The following PDE4D variants were observed in gnomAD, a reference collection of about 807,000 sequenced individuals.
PDE4D encodes phosphodiesterase 4D.
In PDE4D, 24 loss-of-function variants were observed where a neutral mutation model predicts 87.4. The observed-to-expected ratio is 0.27, with a 90% CI of 0.20 to 0.39. The LOEUF (loss-of-function observed/expected upper bound fraction) is 0.39, where lower values mean the gene tolerates loss of function less well. Among genes scored for constraint, PDE4D ranks in the 10% least tolerant of loss-of-function variants. PDE4D has a pLI of 1.00. For missense variants in PDE4D, 714 were observed against 1,041.0 expected (o/e 0.69, Z 4.32); for synonymous variants, 384 against 383.2 (o/e 1.00, Z -0.02).
chr5:59,092,273 C>T (rs764654422), intron 5 of PDE4D, among the ~76,000 whole-genome samples: 1 of 152,104 alleles, frequency 6.6e-6, no homozygotes, highest in Non-Finnish European at 1.5e-5. Context: ...ACACAGCTTC[C>T]ATCTCTTTGC....
At chr5:60,073,847 T>C (rs1040150325) in intron 2 of PDE4D, among the ~76,000 whole-genome samples, 2 of 152,272 alleles carry the variant, frequency 1.3e-5, no homozygotes, top group East Asian at 1.9e-4. Flanking sequence ...TGATGGTTAT[T>C]TGTATTTTTC....
At chr5:59,421,602 G>A (rs1794488235) in intron 1 of PDE4D, among the ~76,000 whole-genome samples, 1 of 152,078 alleles carries the variant, frequency 6.6e-6, no homozygotes. Flanking sequence ...ATCCAACAAA[G>A]AAATAGAAGA....
chr5:59,614,604 C>T (rs11956402), intron 1 of PDE4D, among the ~76,000 whole-genome samples: 11,473 of 152,126 alleles, frequency 0.075, 595 homozygotes, highest in Admixed American at 0.14. Context: ...GAGAGAATAC[C>T]AATCCTGTTT....
intron 5 of PDE4D, among the ~76,000 whole-genome samples, chr5:59,110,152 G>T (rs1362314449): frequency 6.6e-6 from 1 of 152,212 alleles, no homozygotes; most frequent in African/African-American, 2.4e-5. Flanking sequence ...GCGTATGTTG[G>T]CAAGGCCAAA....
intron 2 of PDE4D, among the ~76,000 whole-genome samples, chr5:60,016,361 C>A (rs1476432746): frequency 2.0e-5 from 3 of 152,042 alleles, no homozygotes; most frequent in Admixed American, 2.0e-4. Context: ...GAGGGTCTTG[C>A]CTAAATGGTG....
intron 1 of PDE4D, among the ~76,000 whole-genome samples, chr5:59,336,260 T>C (rs1240816559): frequency 7.9e-5 from 12 of 152,190 alleles, no homozygotes. Context: ...AGGGAAGGTA[T>C]AATTTCACAA....
chr5:59,581,311 CTA>C (rs1824104662), intron 1 of PDE4D, among the ~76,000 whole-genome samples: 2 of 152,168 alleles, frequency 1.3e-5, no homozygotes, highest in East Asian at 3.9e-4. Context: ...GAATTTGAAA[CTA>C]TTTTCAATTT....
chr5:60,124,023 A>G (rs1206658146), intron 2 of PDE4D, among the ~76,000 whole-genome samples: 1 of 152,202 alleles, frequency 6.6e-6, no homozygotes, highest in Non-Finnish European at 1.5e-5. Context: ...GTGGTACAAT[A>G]TATTTATCAT....
intron 1 of PDE4D, among the ~76,000 whole-genome samples, chr5:59,447,673 T>A (rs1045782496): frequency 6.6e-6 from 1 of 152,250 alleles, no homozygotes; most frequent in Non-Finnish European, 1.5e-5. Context: ...AAACTTTAAG[T>A]ACTTTTGTAA....
At chr5:59,601,863 C>A (rs548953194) in intron 1 of PDE4D, among the ~76,000 whole-genome samples, 1 of 152,170 alleles carries the variant, frequency 6.6e-6, no homozygotes, top group Admixed American at 6.6e-5. Flanking sequence ...TAACTAATAT[C>A]AATTTTCCTC....
chr5:59,522,250 G>A (rs879292804), intron 1 of PDE4D, among the ~76,000 whole-genome samples: 14 of 152,160 alleles, frequency 9.2e-5, no homozygotes, highest in Admixed American at 7.2e-4. Flanking sequence ...ATAGAAATAT[G>A]AGGAAAATTA....
intron 1 of PDE4D, among the ~76,000 whole-genome samples, chr5:59,366,108 G>A (rs1003929272): frequency 2.2e-4 from 34 of 152,006 alleles, no homozygotes; most frequent in African/African-American, 8.2e-4. Flanking sequence ...GAACACCTGT[G>A]TATCTACTGT....
intron 2 of PDE4D, among the ~76,000 whole-genome samples, chr5:59,213,791 GTCC>G (rs1750612720): frequency 6.6e-6 from 1 of 151,888 alleles, no homozygotes; most frequent in Non-Finnish European, 1.5e-5. Flanking sequence ...ATTTCTCCTG[GTCC>G]TCTGGACTGT....
chr5:59,857,789 T>G (rs1745659040), intron 1 of PDE4D, among the ~76,000 whole-genome samples: 1 of 150,930 alleles, frequency 6.6e-6, no homozygotes, highest in East Asian at 2.0e-4. Context: ...GAGAACTCAT[T>G]AACTAGATAC....
chr5:60,079,129 G>A (rs1773643817), intron 2 of PDE4D, among the ~76,000 whole-genome samples: 1 of 152,138 alleles, frequency 6.6e-6, no homozygotes. Flanking sequence ...GCATTTCTCT[G>A]ATGATCCATG....
chr5:59,886,515 TAAAAATAA>T (rs977511759), intron 1 of PDE4D, among the ~76,000 whole-genome samples: 30 of 151,206 alleles, frequency 2.0e-4, no homozygotes, highest in African/African-American at 4.4e-4. Flanking sequence ...AAATAAAAAA[TAAAAATAA>T]AAAAATAAAA....
intron 1 of PDE4D, among the ~76,000 whole-genome samples, chr5:60,284,029 A>T (rs1326310598): frequency 1.3e-5 from 2 of 152,202 alleles, no homozygotes; most frequent in African/African-American, 4.8e-5. Context: ...AGCACAGTGA[A>T]CGGAAAGATG....
At chr5:59,291,322 A>G (rs1326632268) in intron 1 of PDE4D, among the ~76,000 whole-genome samples, 1 of 152,108 alleles carries the variant, frequency 6.6e-6, no homozygotes. Flanking sequence ...AGGTGAAATA[A>G]GTTACTCACA....
chr5:59,450,340 A>G (rs1798953131), intron 1 of PDE4D, among the ~76,000 whole-genome samples: 1 of 152,168 alleles, frequency 6.6e-6, no homozygotes, highest in African/African-American at 2.4e-5. Flanking sequence ...ATAAGTTTCA[A>G]TTCATAACAA....
Sources: gnomAD v4.1 joint callset for allele counts (sites outside exome capture counted in the v4.1 genomes callset) on GRCh38, gnomAD v4.1.1 for gene constraint, MANE v1.5 for transcripts, NCBI Gene and HGNC (gene_info 2026-07-23, HGNC 2026-07-21) for gene names.